Variants in CEMIP2 observed in about 807,000 individuals in gnomAD.
The protein encoded by CEMIP2 is cell migration inducing hyaluronidase 2, also known as cell surface hyaluronidase CEMIP2.
A neutral mutation model predicts 146.9 loss-of-function variants in CEMIP2; 79 were observed. The ratio of observed to expected loss-of-function variants is 0.54; its 90% CI spans 0.45 to 0.65. The LOEUF is 0.65. Ranked by LOEUF, CEMIP2 falls within the 30% of genes least tolerant of loss-of-function variation. The probability of loss-of-function intolerance (pLI) is 0.00; values close to 1 mark genes in which losing one functional copy is unlikely to be tolerated. For synonymous variants in CEMIP2, 601 were observed against 606.3 expected (o/e 0.99, Z 0.13); for missense variants, 1,596 against 1,696.2 (o/e 0.94, Z 1.04).
Position 71,750,193 on chromosome 9 carries a change from C to A in CEMIP2, c.181G>T (p.Ala61Ser), listed in dbSNP as rs368636488. The A allele has an allele frequency of 1.9e-6, 3 of 1,613,954 alleles. No individual in the cohort carries two copies. The highest frequency in any genetic ancestry group is 2.5e-6 in the Non-Finnish European group (3 of 1,180,030). ...SIRREDRATF[A>S]FSPEEQQAQR... ...GCTTGCTGTTCTTCAGGTGAGAATG[C>A]GAAGGTTGCCCGGTCTTCTCGTCTG... is the stretch of plus-strand genomic sequence containing the variant. The change falls in exon 2 of 24, where the codon GCA (alanine) becomes TCA (serine). Residue 61 changes from alanine (A) to serine (S), a missense_variant. Physicochemically the swap from Ala to Ser is moderately conservative, Grantham distance 99. Transcript: ENST00000377044.
rs2131841095 is a variant in CEMIP2, at chr9:71,685,187, C to T, written c.*10G>A. 3 of 1,578,524 alleles carry T rather than the reference C, an allele frequency of 1.9e-6. 1 individual carries two copies. In the Middle Eastern group the frequency reaches 5.1e-4, roughly 268 times the overall value. ...TTTTTTTCCCCCAGCACTTAAGTTA[C>T]AGTTAGTCTCTAATGTGCTTTTGAA... On this transcript the variant is annotated 3_prime_UTR_variant, in exon 24 of 24. Coordinates refer to ENST00000377044, the MANE Select transcript of CEMIP2 (RefSeq NM_013390.3).
chr9:71,759,531 C>T (rs375857986), intron 1 of CEMIP2, among the ~76,000 whole-genome samples: 1 of 151,990 alleles, frequency 6.6e-6, no homozygotes, highest in Admixed American at 6.6e-5. Flanking sequence ...TGTATGATAT[C>T]CTGAGGTTCC....
chr9:71,730,195 A>G lies in CEMIP2; in HGVS notation c.1832T>C (p.Ile611Thr), dbSNP rs776621799. The change falls in exon 9 of 24, where the codon ATT becomes ACT. Residue 611 changes from isoleucine to threonine, a missense_variant. Physicochemically the swap from Ile to Thr is moderately conservative, Grantham distance 89. Coordinates refer to ENST00000377044, the MANE Select transcript of CEMIP2 (RefSeq NM_013390.3). The part of the protein sequence containing the change: ...LGHCFFLEDG[I>T]EQRNTLFHNL... ...GTGGAACAAAGTATTCCTCTGTTCA[A>G]TACCATCTTCCAAAAAGAAACAATG... The G allele has an allele frequency of 4.3e-6, 7 of 1,614,100 alleles. No homozygotes were observed. In the African/African-American group the frequency reaches 8.0e-5, roughly 18 times the overall value.
Position 71,739,766 on chromosome 9 carries a change from A to AT in CEMIP2, c.1204+296dup, listed in dbSNP as rs575955683. 3.2e-4 allele frequency among the ~76,000 whole-genome samples: 48 copies of AT among 149,820 alleles called. 1 individual carries two copies. Among genetic ancestry groups the AT allele is most frequent in the Non-Finnish European group, 5.1e-4 (34 of 67,212 alleles). On this transcript the variant is annotated intron_variant, in intron 5 of 23. Coordinates refer to ENST00000377044, the MANE Select transcript of CEMIP2 (RefSeq NM_013390.3). ...ATAAACTTTCTTAAAACATTATGAG[A>AT]TTTTTTTTTTAGCCCATCAGCTATT...
intron 17 of CEMIP2, among the ~76,000 whole-genome samples, chr9:71,706,177 C>G (rs2131893835): frequency 6.8e-6 from 1 of 146,506 alleles, no homozygotes; most frequent in Non-Finnish European, 1.5e-5. Flanking sequence ...TGCAGTGAGC[C>G]AAGATAGCAC....
intron 14 of CEMIP2, among the ~76,000 whole-genome samples, chr9:71,715,914 G>T (rs1454208774): frequency 2.0e-5 from 3 of 151,544 alleles, no homozygotes; most frequent in African/African-American, 7.3e-5. Context: ...GTGTGAGCCG[G>T]TATGTCCAGC....
intron 4 of CEMIP2, among the ~76,000 whole-genome samples, chr9:71,743,852 C>T (rs186923569): frequency 1.3e-3 from 195 of 152,264 alleles, no homozygotes; most frequent in Non-Finnish European, 2.2e-3. Context: ...TCTAGAATTG[C>T]TGTAGGTAAT....
intron 14 of CEMIP2, 64 bp downstream of exon 14, chr9:71,716,452 GA>G (rs921042068): frequency 3.5e-5 from 46 of 1,322,014 alleles, no homozygotes; most frequent in Admixed American, 1.6e-4. Context: ...TGTATTATCA[GA>G]AAAAAAAATC....
At chr9:71,724,733 A>T (rs1439880506) in intron 11 of CEMIP2, among the ~76,000 whole-genome samples, 1 of 152,232 alleles carries the variant, frequency 6.6e-6, no homozygotes, top group Non-Finnish European at 1.5e-5. Flanking sequence ...GTATCATTTT[A>T]AATTAGGTCA....
chr9:71,764,899 C>T (rs539993332), intron 1 of CEMIP2, among the ~76,000 whole-genome samples: 113 of 150,796 alleles, frequency 7.5e-4, no homozygotes, highest in African/African-American at 2.0e-3. Flanking sequence ...CTCAAAAAGG[C>T]AGATGCATAG....
chr9:71,723,926 A>G (rs1345796395), intron 11 of CEMIP2, among the ~76,000 whole-genome samples: 3 of 152,194 alleles, frequency 2.0e-5, no homozygotes, highest in Non-Finnish European at 2.9e-5. Context: ...AATTTAACAA[A>G]TTAACACCTA....
At chr9:71,694,215 C>A (rs942332225) in intron 21 of CEMIP2, among the ~76,000 whole-genome samples, 1 of 151,956 alleles carries the variant, frequency 6.6e-6, no homozygotes, top group Non-Finnish European at 1.5e-5. Context: ...CTCCGCCTCC[C>A]GGGTTCAGGC....
chr9:71,756,238 GTATATA>G (rs10546089), intron 1 of CEMIP2, among the ~76,000 whole-genome samples: 3 of 138,596 alleles, frequency 2.2e-5, no homozygotes, highest in African/African-American at 2.6e-5. Context: ...GTATATAGGT[GTATATA>G]TATATATATA....
chr9:71,739,928 C>CTG (rs76324279), intron 5 of CEMIP2, 135 bp downstream of exon 5: 62,657 of 816,040 alleles, frequency 0.077, 3,095 homozygotes, highest in South Asian at 0.19. Flanking sequence ...AGTAGGAAAA[C>CTG]TAAGTTTCAA....
Position 71,744,888 on chromosome 9 carries a change from G to A in CEMIP2, c.1034+130C>T, listed in dbSNP as rs751174382. 205 of 953,478 alleles carry A rather than the reference G, an allele frequency of 2.2e-4. 1 individual carries two copies. In the Middle Eastern group the frequency reaches 3.6e-3, roughly 17 times the overall value. 59.1% of individuals were successfully genotyped at this position (953,478 alleles called of 1,614,324 possible). ...CCAGCCCCATGTCTCAAAGCTACCA[G>A]ACATGCAAATGGTAGAGTGGCCCTT... On this transcript the variant is annotated intron_variant, in intron 4 of 23. Transcript: ENST00000377044.
chr9:71,764,589 T>C (rs1473781791), intron 1 of CEMIP2, among the ~76,000 whole-genome samples: 2 of 152,138 alleles, frequency 1.3e-5, no homozygotes, highest in Non-Finnish European at 2.9e-5. Context: ...AGATTCAGCA[T>C]ATGTAGCAGT....
intron 5 of CEMIP2, among the ~76,000 whole-genome samples, chr9:71,735,885 G>A (rs938835833): frequency 2.6e-5 from 4 of 152,166 alleles, no homozygotes; most frequent in Non-Finnish European, 5.9e-5. Flanking sequence ...TTGAGCCCAG[G>A]AGTTCAAGAC....
chr9:71,751,459 C>G (rs905817160), intron 1 of CEMIP2, among the ~76,000 whole-genome samples: 5 of 152,182 alleles, frequency 3.3e-5, no homozygotes, highest in African/African-American at 9.7e-5. Flanking sequence ...GGATTGCTGT[C>G]CCTGGGATCT....
At chr9:71,693,971 T>C (rs1245042247) in intron 21 of CEMIP2, among the ~76,000 whole-genome samples, 2 of 152,202 alleles carry the variant, frequency 1.3e-5, no homozygotes, top group Admixed American at 6.5e-5. Context: ...TGGACCGTTC[T>C]ACCCTGTGAG....
Sources: allele counts gnomAD v4.1 joint callset (sites outside exome capture counted in the v4.1 genomes callset), GRCh38; gene constraint gnomAD v4.1.1; transcripts MANE v1.5; gene names NCBI Gene and HGNC (gene_info 2026-07-23, HGNC 2026-07-21).